TYW1B: variants seen among roughly 807,000 people sequenced by gnomAD.
TYW1B encodes the protein tRNA-yW synthesizing protein 1 homolog B, also known as S-adenosyl-L-methionine-dependent tRNA 4-demethylwyosine synthase TYW1B.
TYW1B carries 73 observed loss-of-function variants against 86.9 expected under a neutral mutation model. The ratio of observed to expected loss-of-function variants is 0.84; its 90% CI spans 0.70 to 1.02. The LOEUF (loss-of-function observed/expected upper bound fraction) is 1.02. Among genes scored for constraint, TYW1B ranks in the 50% least tolerant of loss-of-function variants. The pLI is 0.00. For synonymous variants in TYW1B, 248 were observed against 292.8 expected, an observed-to-expected ratio of 0.85 and a Z score of 1.56; for missense variants, 637 against 827.4, an observed-to-expected ratio of 0.77 and a Z score of 2.82.
chr7:72,741,913 GA>G (rs1322530699), intron 8 of TYW1B, among the ~76,000 whole-genome samples: 2 of 152,166 alleles, frequency 1.3e-5, no homozygotes, highest in South Asian at 2.1e-4. Context: ...AACTGAAGGA[GA>G]CATTAAGACA....
At chr7:72,800,070 C>G (rs772120240) in intron 6 of TYW1B, among the ~76,000 whole-genome samples, 29 of 151,936 alleles carry the variant, frequency 1.9e-4, no homozygotes, top group Non-Finnish European at 3.1e-4. Context: ...TATAGAAAAG[C>G]TTTCTCCAGG....
chr7:72,628,860 CG>C, intron 12 of TYW1B, 26 bp downstream of exon 12: 1 of 1,562,718 alleles, frequency 6.4e-7, no homozygotes, highest in Non-Finnish European at 8.7e-7. Context: ...CACTCCACCA[CG>C]GCCACCAGAG....
At chr7:72,650,519 C>T (rs1813033449) in intron 11 of TYW1B, among the ~76,000 whole-genome samples, 1 of 152,116 alleles carries the variant, frequency 6.6e-6, no homozygotes, top group South Asian at 2.1e-4. Context: ...CCTTCTTTAT[C>T]TAATGTGCAT....
intron 2 of TYW1B, among the ~76,000 whole-genome samples, chr7:72,816,194 T>C (rs1554479395): frequency 2.6e-5 from 4 of 151,940 alleles, no homozygotes; most frequent in African/African-American, 7.3e-5. Flanking sequence ...CTGACCAACA[T>C]GGTAAAACCC....
In TYW1B at chr7:72,661,319, C is replaced by A. The variant is rs188733378; in HGVS notation, c.1507-32322G>T. ...AAATGGATTAAATAAAATTTACCCA[C>A]AGGTTTTTAATTTCAAGCACGAAAT... On this transcript the variant is annotated intron_variant, in intron 11 of 13. Coordinates refer to ENST00000620995, the MANE Select transcript of TYW1B (RefSeq NM_001145440.3). 4.1e-3 allele frequency among the ~76,000 whole-genome samples: 618 copies of A among 149,716 alleles called. 3 individuals carry two copies. Among genetic ancestry groups the A allele is most frequent in the African/African-American group, 0.014 (590 of 40,980 alleles).
intron 7 of TYW1B, among the ~76,000 whole-genome samples, chr7:72,750,313 TAAAC>T (rs1356237250): frequency 1.3e-5 from 2 of 152,176 alleles, no homozygotes; most frequent in Non-Finnish European, 2.9e-5. Context: ...CCTTCATCCT[TAAAC>T]AATATTTTGC....
intron 7 of TYW1B, among the ~76,000 whole-genome samples, chr7:72,751,670 T>A (rs1235516178): frequency 1.3e-5 from 2 of 152,230 alleles, no homozygotes; most frequent in African/African-American, 4.8e-5. Flanking sequence ...ATTCAAGGTA[T>A]GATTTTCTTG....
chr7:72,779,712 CAAAAAAAAAAAA>C (rs58301724), intron 6 of TYW1B, among the ~76,000 whole-genome samples: 1 of 64,262 alleles, frequency 1.6e-5, no homozygotes, highest in African/African-American at 6.0e-5. Context: ...GACTCTGCCT[CAAAAAAAAAAAA>C]AAAAAAAAAT....
At chr7:72,697,620 A>C (rs1426257296) in intron 10 of TYW1B, among the ~76,000 whole-genome samples, 1 of 152,184 alleles carries the variant, frequency 6.6e-6, no homozygotes, top group Non-Finnish European at 1.5e-5. Flanking sequence ...AATGTTCCCA[A>C]AAAGCAAAAA....
chr7:72,666,870 A>C (rs1226977130), intron 11 of TYW1B, among the ~76,000 whole-genome samples: 1 of 151,668 alleles, frequency 6.6e-6, no homozygotes, highest in African/African-American at 2.4e-5. Context: ...TCTCTACTAA[A>C]AATACAAAAA....
At chr7:72,755,362 T>C (rs899384270) in intron 7 of TYW1B, among the ~76,000 whole-genome samples, 1 of 152,156 alleles carries the variant, frequency 6.6e-6, no homozygotes, top group African/African-American at 2.4e-5. Flanking sequence ...AAGGCTGCAG[T>C]GAGCCATGAC....
In TYW1B at chr7:72,574,970, T is replaced by A. The variant is rs532765609; in HGVS notation, c.*528A>T. ...AATCTATGCAGTATTTAAAAAATAA[T>A]TGAGAGTTGTGACAACTTCGATTCT... On this transcript the variant is annotated 3_prime_UTR_variant, in exon 14 of 14. Coordinates refer to ENST00000620995, the MANE Select transcript of TYW1B (RefSeq NM_001145440.3). 1 of 987,976 alleles carries A rather than the reference T, an allele frequency of 1.0e-6. No homozygotes were observed. 61.2% of individuals were successfully genotyped at this position (987,976 alleles called of 1,614,324 possible).
chr7:72,703,026 A>AT lies in TYW1B; in HGVS notation c.1371-8205dup, dbSNP rs1166122885. ...TATATATATATATATATATATATAT[A>AT]TTTTTTTTTTTTTTTTGAGATGGAG... On this transcript the variant is annotated intron_variant, in intron 10 of 13. Transcript: ENST00000620995. Among the ~76,000 whole-genome samples the AT allele has an allele frequency of 1.2e-3, 44 of 35,202 alleles. 1 individual carries two copies. Among genetic ancestry groups the AT allele is most frequent in the African/African-American group, 3.7e-3 (31 of 8,332 alleles). 23.1% of individuals were successfully genotyped at this position (35,202 alleles called of 152,430 possible).
chr7:72,745,478 G>C (rs1230275201), intron 7 of TYW1B, among the ~76,000 whole-genome samples: 1 of 152,100 alleles, frequency 6.6e-6, no homozygotes, highest in East Asian at 1.9e-4. Context: ...TAGTAAGTAG[G>C]TAATCTAAAG....
chr7:72,646,876 A>G (rs1315911126), intron 11 of TYW1B, among the ~76,000 whole-genome samples: 33 of 152,212 alleles, frequency 2.2e-4, no homozygotes, highest in Admixed American at 3.9e-4. Flanking sequence ...TCTCCTCTTG[A>G]GTATTATAAA....
intron 8 of TYW1B, among the ~76,000 whole-genome samples, chr7:72,741,021 T>C (rs1787295025): frequency 6.6e-6 from 1 of 152,024 alleles, no homozygotes; most frequent in African/African-American, 2.4e-5. Flanking sequence ...TGAACCACCA[T>C]GCCAGGCCAA....
At chr7:72,638,157 A>T (rs1554441019) in intron 11 of TYW1B, among the ~76,000 whole-genome samples, 1 of 150,742 alleles carries the variant, frequency 6.6e-6, no homozygotes, top group Non-Finnish European at 1.5e-5. Flanking sequence ...TCCCAAGAGC[A>T]TAGGGGAAGG....
intron 11 of TYW1B, among the ~76,000 whole-genome samples, chr7:72,693,477 C>T (rs1263642209): frequency 6.8e-6 from 1 of 146,882 alleles, no homozygotes; most frequent in Non-Finnish European, 1.5e-5. Flanking sequence ...GGCGCAATCT[C>T]GGCTCACTAC....
At chr7:72,617,618 C>T (rs1471968553) in intron 12 of TYW1B, among the ~76,000 whole-genome samples, 1 of 152,232 alleles carries the variant, frequency 6.6e-6, no homozygotes, top group South Asian at 2.1e-4. Context: ...CTACCTGCCC[C>T]GGCCTCCCAA....
Sources: gnomAD v4.1 joint callset for allele counts (sites outside exome capture counted in the v4.1 genomes callset) on GRCh38, gnomAD v4.1.1 for gene constraint, MANE v1.5 for transcripts, NCBI Gene and HGNC (gene_info 2026-07-23, HGNC 2026-07-21) for gene names.